Variants in SGPP1 observed in about 807,000 individuals in gnomAD.
The protein encoded by SGPP1 is hSPP1.
In SGPP1, 21 loss-of-function variants were observed where a neutral mutation model predicts 33.0. That is an observed-to-expected ratio of 0.64 (90% CI 0.45 to 0.92). The LOEUF (loss-of-function observed/expected upper bound fraction) is 0.92. Ranked by LOEUF, SGPP1 falls within the 40% of genes least tolerant of loss-of-function variation. The pLI, the probability that SGPP1 is intolerant of heterozygous loss-of-function variation, is 0.00. For synonymous variants in SGPP1, 239 were observed against 241.2 expected (o/e 0.99, Z 0.08); for missense variants, 543 against 589.4 (o/e 0.92, Z 0.81).
At chr14:63,718,981 T>C (rs1429697022) in intron 1 of SGPP1, among the ~76,000 whole-genome samples, 4 of 11,352 alleles carry the variant, frequency 3.5e-4, no homozygotes, top group South Asian at 3.2e-3. Context: ...TATATACATA[T>C]ATATATATAT....
At chr14:63,721,862 T>C (rs1885778039) in intron 1 of SGPP1, among the ~76,000 whole-genome samples, 2 of 152,224 alleles carry the variant, frequency 1.3e-5, no homozygotes, top group South Asian at 2.1e-4. Flanking sequence ...AACACAAATA[T>C]TTGTGGATGT....
rs913237191 is a variant in SGPP1, at chr14:63,684,346, C to T, written c.*1759G>A. ...CTAGACATAAAAATCAACAGGATAGCATAGGCCCAAATTATGGGAAACGGT... is the reference window on the plus strand; with the variant it reads ...CTAGACATAAAAATCAACAGGATAGTATAGGCCCAAATTATGGGAAACGGT... On this transcript the variant is annotated 3_prime_UTR_variant, in exon 3 of 3. Transcript: ENST00000247225. 2 of 152,044 alleles carry T rather than the reference C, an allele frequency of 1.3e-5. No individual in the cohort carries two copies. The highest frequency in any genetic ancestry group is 4.8e-5 in the African/African-American group (2 of 41,452). 9.4% of individuals were successfully genotyped at this position (152,044 alleles called of 1,614,324 possible). A position where few individuals can be genotyped will look rare whatever the true frequency, so the allele number is the denominator to read the frequency against.
Position 63,719,818 on chromosome 14 carries a change from T to TAA in SGPP1, c.684+7441_684+7442dup, listed in dbSNP as rs112680873. ...ATTAGTATTCATTAATTGTTGGACTTAAAAAAAAAAAGAAGGCCAGGCACG... is the reference window on the plus strand; with the variant it reads ...ATTAGTATTCATTAATTGTTGGACTTAAAAAAAAAAAAAGAAGGCCAGGCACG... On this transcript the variant is annotated intron_variant, in intron 1 of 2. Coordinates refer to ENST00000247225, the MANE Select transcript of SGPP1 (RefSeq NM_030791.4). 8.4e-3 allele frequency among the ~76,000 whole-genome samples: 1,208 copies of TAA among 143,656 alleles called. 10 individuals are homozygous for TAA. The highest frequency in any genetic ancestry group is 0.029 in the African/African-American group (1,128 of 39,430). The allele number at this position is 143,656 out of a possible 152,430, so 94.2% of individuals were successfully genotyped here. A position where few individuals can be genotyped will look rare whatever the true frequency, so the allele number is the denominator to read the frequency against.
chr14:63,703,569 C>T (rs776743134), intron 1 of SGPP1, among the ~76,000 whole-genome samples: 1 of 146,514 alleles, frequency 6.8e-6, no homozygotes, highest in Non-Finnish European at 1.5e-5. Context: ...AAGAGAATTG[C>T]TTGAACCCGG....
chr14:63,706,099 A>T (rs1446099192), intron 1 of SGPP1, among the ~76,000 whole-genome samples: 1 of 152,256 alleles, frequency 6.6e-6, no homozygotes, highest in Non-Finnish European at 1.5e-5. Context: ...AGTCAACACA[A>T]AAGGAATGAA....
intron 2 of SGPP1, among the ~76,000 whole-genome samples, chr14:63,689,378 C>A (rs1018198369): frequency 5.9e-5 from 9 of 152,128 alleles, no homozygotes; most frequent in Non-Finnish European, 1.3e-4. Context: ...TCTTGAACTC[C>A]TGGGCTCAAG....
At chr14:63,688,717 TTTTTTTTC>T (rs1566816466) in intron 2 of SGPP1, among the ~76,000 whole-genome samples, 2 of 143,808 alleles carry the variant, frequency 1.4e-5, no homozygotes, top group African/African-American at 2.9e-5. Flanking sequence ...GTCATTTCTT[TTTTTTTTC>T]TTTTTTTTTT....
chr14:63,692,215 CTT>C (rs1048323558), intron 2 of SGPP1, among the ~76,000 whole-genome samples: 1 of 152,242 alleles, frequency 6.6e-6, no homozygotes, highest in Non-Finnish European at 1.5e-5. Flanking sequence ...CCATTTTGCT[CTT>C]GTCCCCAGGA....
intron 1 of SGPP1, among the ~76,000 whole-genome samples, chr14:63,699,371 TG>T (rs1462716673): frequency 2.0e-5 from 3 of 152,032 alleles, no homozygotes; most frequent in Non-Finnish European, 4.4e-5. Context: ...ATGGGCATGG[TG>T]GTAAGTTTGT....
intron 1 of SGPP1, among the ~76,000 whole-genome samples, chr14:63,706,510 G>GT (rs1885410248): frequency 6.6e-6 from 1 of 152,118 alleles, no homozygotes; most frequent in East Asian, 1.9e-4. Flanking sequence ...ATTACCTGCT[G>GT]TAAGCCACCA....
chr14:63,701,481 G>A (rs954708456), intron 1 of SGPP1, among the ~76,000 whole-genome samples: 7 of 152,144 alleles, frequency 4.6e-5, no homozygotes, highest in African/African-American at 1.7e-4. Context: ...AGGCAAGACG[G>A]AATGGAGGTG....
intron 1 of SGPP1, among the ~76,000 whole-genome samples, chr14:63,724,521 C>T (rs1312008010): frequency 6.7e-6 from 1 of 150,268 alleles, no homozygotes; most frequent in South Asian, 2.1e-4. Flanking sequence ...CTATATAAGC[C>T]TCCAATGCAG....
chr14:63,713,787 T>C (rs1042598130), intron 1 of SGPP1, among the ~76,000 whole-genome samples: 3 of 152,142 alleles, frequency 2.0e-5, no homozygotes, highest in Non-Finnish European at 4.4e-5. Flanking sequence ...AGGTTTGAAT[T>C]TGTGGACTTA....
chr14:63,716,907 G>A (rs1885641575), intron 1 of SGPP1, among the ~76,000 whole-genome samples: 1 of 151,994 alleles, frequency 6.6e-6, no homozygotes, highest in African/African-American at 2.4e-5. Flanking sequence ...TGGCCAGGCT[G>A]GTCTCAAACT....
intron 1 of SGPP1, among the ~76,000 whole-genome samples, chr14:63,719,152 G>A (rs572924447): frequency 8.9e-5 from 13 of 145,334 alleles, no homozygotes; most frequent in East Asian, 2.1e-4. Flanking sequence ...CTCAGCTCCC[G>A]AGTAGCTGGG....
intron 2 of SGPP1, among the ~76,000 whole-genome samples, chr14:63,695,032 GGC>G (rs988223108): frequency 1.2e-4 from 18 of 151,928 alleles, no homozygotes; most frequent in African/African-American, 4.4e-4. Flanking sequence ...ATCTCATAAT[GGC>G]TTTTTTGTTT....
intron 1 of SGPP1, among the ~76,000 whole-genome samples, chr14:63,718,357 A>C (rs373006593): frequency 1.8e-4 from 28 of 152,254 alleles, no homozygotes; most frequent in African/African-American, 6.5e-4. Flanking sequence ...ATTTTTCCAA[A>C]ATTAATTCAA....
chr14:63,698,977 C>T (rs990568412), intron 1 of SGPP1, among the ~76,000 whole-genome samples: 1 of 152,136 alleles, frequency 6.6e-6, no homozygotes, highest in Non-Finnish European at 1.5e-5. Flanking sequence ...AAGAGACATA[C>T]TTTTAATATG....
chr14:63,699,998 T>C (rs1199806374), intron 1 of SGPP1, among the ~76,000 whole-genome samples: 2 of 152,010 alleles, frequency 1.3e-5, no homozygotes, highest in African/African-American at 4.8e-5. Context: ...GGTCTTACTC[T>C]GTCACCAAGG....
Sources: allele counts gnomAD v4.1 joint callset (sites outside exome capture counted in the v4.1 genomes callset), GRCh38; gene constraint gnomAD v4.1.1; transcripts MANE v1.5; gene names NCBI Gene and HGNC (gene_info 2026-07-23, HGNC 2026-07-21).